The following PCDHGA7 variants were observed in gnomAD, a reference collection of about 807,000 sequenced individuals.
The protein encoded by PCDHGA7 is protocadherin gamma subfamily A, 7.
Under a neutral mutation model 58.3 loss-of-function variants are expected in PCDHGA7, and 44 were observed. The observed-to-expected ratio is 0.75, with a 90% CI of 0.59 to 0.97. The LOEUF is 0.97. Among genes scored for constraint, PCDHGA7 ranks in the 50% least tolerant of loss-of-function variants. PCDHGA7 has a pLI of 0.00. For missense variants in PCDHGA7, 1,266 were observed against 1,188.7 expected (o/e 1.06, Z -0.96); for synonymous variants, 516 against 504.2 (o/e 1.02, Z -0.31).
At chr5:141,442,701 A>AG (rs1388473196) in intron 1 of PCDHGA7, among the ~76,000 whole-genome samples, 5 of 152,258 alleles carry the variant, frequency 3.3e-5, no homozygotes, top group Non-Finnish European at 7.3e-5. Flanking sequence ...AGACAAGAGT[A>AG]TCAGACATGC....
intron 1 of PCDHGA7, among the ~76,000 whole-genome samples, chr5:141,434,452 G>T (rs2097695209): frequency 6.6e-6 from 1 of 152,334 alleles, no homozygotes; most frequent in African/African-American, 2.4e-5. Flanking sequence ...CTGGAAGGTA[G>T]TGGGTTTACC....
intron 1 of PCDHGA7, chr5:141,400,146 C>A (rs1444566578): frequency 6.2e-7 from 1 of 1,614,080 alleles, no homozygotes; most frequent in South Asian, 1.1e-5. Flanking sequence ...ATATCACTGA[C>A]CGCCCTGTAC....
rs201391904 is a variant in PCDHGA7, at chr5:141,494,843, G to A, written c.2461G>A (p.Ala821Thr). Residue 821 changes from alanine to threonine, a missense_variant, in exon 2 of 4, where the codon GCC becomes ACC. Transcript: ENST00000518325. ...PPNTDWRFSQ[A>T]QRPGTSGSQN... is the part of the protein sequence containing the mutation. ...CAACACGGACTGGCGTTTCTCTCAG[G>A]CCCAGAGACCCGGCACCAGCGGGTA... 1.9e-6 allele frequency: 3 copies of A among 1,614,088 alleles called. No homozygotes were observed. Among genetic ancestry groups the A allele is most frequent in the Admixed American group, 3.3e-5 (2 of 60,008 alleles).
Position 141,489,653 on chromosome 5 carries a change from G to A in PCDHGA7, c.2425-5154G>A, listed in dbSNP as rs752269910. 2.0e-5 allele frequency: 33 copies of A among 1,614,164 alleles called. No individual in the cohort carries two copies. In the East Asian group the frequency reaches 4.9e-4, roughly 24 times the overall value. ...TCTCCTAGCTTTGCCACCCCTGAGC[G>A]AGAGATGCGCATCTCAGAATCAGCA... On this transcript the variant is annotated intron_variant, in intron 1 of 3. Transcript: ENST00000518325. This position sits in a 1 kb window ranked among gnomAD's most constrained non-coding sequence, Gnocchi z 4.5.
chr5:141,414,657 C>T (rs1313928067), intron 1 of PCDHGA7: 1 of 1,614,004 alleles, frequency 6.2e-7, no homozygotes, highest in Admixed American at 1.7e-5. Context: ...TTATTTACTC[C>T]CTGGCTGAAG....
chr5:141,389,790 G>C (rs1328126483), intron 1 of PCDHGA7: 1 of 1,613,470 alleles, frequency 6.2e-7, no homozygotes, highest in South Asian at 1.1e-5. Context: ...CAGGGACGCC[G>C]TCCGCCAGCG....
rs1369721575 is a variant in PCDHGA7, at chr5:141,384,186, TC to T, written c.1289del (p.Pro430LeufsTer44). 1.9e-6 allele frequency: 3 copies of T among 1,613,730 alleles called. No homozygotes were observed. The highest frequency in any genetic ancestry group is 1.7e-5 in the Admixed American group (1 of 60,014). On this transcript the variant is annotated frameshift_variant, in exon 1 of 4. Transcript: ENST00000518325. LOFTEE classifies it high-confidence loss of function. The stretch of plus-strand genomic sequence containing the variant: ...CACTGAAAGCCACAGATGGTGGAAC[TC>T]CTCCCTTGTCCAGGGAAACTCACAT... ...ITLKATDGGT[P>X]PLSRETHIFM...
At position 141,485,044 on chromosome 5, in the gene PCDHGA7, G is replaced by A; in HGVS notation, c.2425-9763G>A. 2 of 737,674 alleles carry A rather than the reference G, an allele frequency of 2.7e-6. No individual in the cohort carries two copies. The highest frequency in any genetic ancestry group is 1.8e-5 in the African/African-American group (1 of 56,792). The allele number at this position is 737,674 out of a possible 1,614,324, so 45.7% of individuals were successfully genotyped here. A position where few individuals can be genotyped will look rare whatever the true frequency, so the allele number is the denominator to read the frequency against. ...GCAAAAACGGCGCGTAACCCTTGCG[G>A]CGCCGGCCGAACCGCGCCAGAGCTG... On this transcript the variant is annotated intron_variant, in intron 1 of 3. Coordinates refer to ENST00000518325, the MANE Select transcript of PCDHGA7 (RefSeq NM_018920.4). This position sits in a 1 kb window ranked among gnomAD's most constrained non-coding sequence, Gnocchi z 5.7.
rs1594492695 is a variant in PCDHGA7 at position 141,485,536 on chromosome 5, A to G, written c.2425-9271A>G. On this transcript the variant is annotated intron_variant, in intron 1 of 3. Transcript: ENST00000518325. The surrounding 1 kb of genome is among the most constrained non-coding windows in gnomAD (Gnocchi z 5.7). ...CTTTGGAAATGTACCGAGCAGAGGTAGAGATCGTAGATGTGAATGATCACG... is the reference window on the plus strand; with the variant it reads ...CTTTGGAAATGTACCGAGCAGAGGTGGAGATCGTAGATGTGAATGATCACG... 3 of 1,613,976 alleles carry G rather than the reference A, an allele frequency of 1.9e-6. No homozygotes were observed. The highest frequency in any genetic ancestry group is 2.5e-6 in the Non-Finnish European group (3 of 1,179,946).
At chr5:141,420,558 C>T (rs1373350109) in intron 1 of PCDHGA7, 1 of 248,240 alleles carries the variant, frequency 4.0e-6, no homozygotes, top group Non-Finnish European at 7.5e-6. Flanking sequence ...TATATTTTTA[C>T]GGCATGGTAT....
Position 141,487,390 on chromosome 5 carries a change from G to A in PCDHGA7, c.2425-7417G>A, listed in dbSNP as rs769886634. On this transcript the variant is annotated intron_variant, in intron 1 of 3. Coordinates refer to ENST00000518325, the MANE Select transcript of PCDHGA7 (RefSeq NM_018920.4). The surrounding 1 kb of genome is among the most constrained non-coding windows in gnomAD (Gnocchi z 5.0). The stretch of plus-strand genomic sequence containing the variant: ...GTGCCTGTCTCACCAGATCTCGAAG[G>A]AGGGAGGGGCTTCCCCCTTCCAATG... 1.2e-6 allele frequency: 2 copies of A among 1,614,182 alleles called. No homozygotes were observed. The highest frequency in any genetic ancestry group is 1.3e-5 in the African/African-American group (1 of 75,070).
intron 1 of PCDHGA7, chr5:141,394,523 C>T (rs373702756): frequency 5.0e-6 from 8 of 1,614,234 alleles, no homozygotes; most frequent in Non-Finnish European, 6.8e-6. Context: ...TCCCCACAGA[C>T]GGTTCCACTG....
At chr5:141,436,211 C>T (rs12108692) in intron 1 of PCDHGA7, among the ~76,000 whole-genome samples, 2,997 of 152,100 alleles carry the variant, frequency 0.02, 43 homozygotes, top group African/African-American at 0.029. Flanking sequence ...AATAGGAAAA[C>T]AAATGACTTG....
chr5:141,421,923 G>T (rs2096611568), intron 1 of PCDHGA7: 1 of 1,613,590 alleles, frequency 6.2e-7, no homozygotes. Flanking sequence ...TTCGTGTGGT[G>T]GTCCTCGATG....
chr5:141,393,620 G>T (rs1335715353), intron 1 of PCDHGA7: 1 of 1,613,908 alleles, frequency 6.2e-7, no homozygotes, highest in Non-Finnish European at 8.5e-7. Flanking sequence ...CCAGCGACCC[G>T]GATGAGGGAA....
intron 1 of PCDHGA7, chr5:141,388,637 T>C (rs993746447): frequency 6.2e-7 from 1 of 1,613,880 alleles, no homozygotes; most frequent in Non-Finnish European, 8.5e-7. Flanking sequence ...GGGTGAGCCT[T>C]TCAGAAAACG....
At chr5:141,389,652 G>C in intron 1 of PCDHGA7, 1 of 1,612,638 alleles carries the variant, frequency 6.2e-7, no homozygotes, top group South Asian at 1.1e-5. Context: ...GACCAAGGTA[G>C]TGGCGGTGGA....
chr5:141,467,923 T>C lies in PCDHGA7; in HGVS notation c.2425-26884T>C, dbSNP rs190816380. Among the ~76,000 whole-genome samples the C allele has an allele frequency of 3.9e-3, 588 of 151,590 alleles. 5 individuals carry two copies. Among genetic ancestry groups the C allele is most frequent in the Admixed American group, 0.011 (168 of 15,214 alleles). ...ATCCGCCCACCTCAGCCTCCCAAAA[T>C]GCTAGGATTACAAGCATGAGCCACC... On this transcript the variant is annotated intron_variant, in intron 1 of 3. Coordinates refer to ENST00000518325, the MANE Select transcript of PCDHGA7 (RefSeq NM_018920.4).
At chr5:141,423,797 C>A in intron 1 of PCDHGA7, 2 of 1,249,164 alleles carry the variant, frequency 1.6e-6, no homozygotes, top group African/African-American at 1.6e-5. Flanking sequence ...ATATTTAGAG[C>A]AATACATGTG....
Sources: gnomAD v4.1 joint callset for allele counts (sites outside exome capture counted in the v4.1 genomes callset) on GRCh38, gnomAD v4.1.1 for gene constraint, Gnocchi (gnomAD v3.1) non-coding constraint, MANE v1.5 for transcripts, NCBI Gene and HGNC (gene_info 2026-07-23, HGNC 2026-07-21) for gene names.